CNTN4: variants seen among roughly 807,000 people sequenced by gnomAD.
CNTN4 encodes the protein contactin 4.
CNTN4 carries 77 observed loss-of-function variants against 122.5 expected under a neutral mutation model. That is an observed-to-expected ratio of 0.63 (90% CI 0.52 to 0.76). The LOEUF is 0.76. Among genes scored for constraint, CNTN4 ranks in the 30% least tolerant of loss-of-function variants. The probability of loss-of-function intolerance (pLI) is 0.00; values close to 1 mark genes in which losing one functional copy is unlikely to be tolerated. For synonymous variants in CNTN4, 512 were observed against 447.0 expected (o/e 1.15, Z -1.83); for missense variants, 1,256 against 1,259.1 (o/e 1.00, Z 0.04).
chr3:3,011,613 T>C (rs1697234964), intron 14 of CNTN4, among the ~76,000 whole-genome samples: 1 of 152,208 alleles, frequency 6.6e-6, no homozygotes, highest in South Asian at 2.1e-4. Context: ...ATAATTTCCT[T>C]ATGATACTTT....
chr3:2,671,173 C>A (rs1312945699), intron 4 of CNTN4, among the ~76,000 whole-genome samples: 4 of 152,106 alleles, frequency 2.6e-5, no homozygotes, highest in Admixed American at 2.0e-4. Context: ...TGGATAATAT[C>A]CTGCAGAGTG....
At chr3:2,199,663 A>T (rs566578002) in intron 2 of CNTN4, among the ~76,000 whole-genome samples, 1 of 152,320 alleles carries the variant, frequency 6.6e-6, no homozygotes, top group African/African-American at 2.4e-5. Context: ...CAAAATATAG[A>T]CAAGACACCG....
intron 14 of CNTN4, among the ~76,000 whole-genome samples, chr3:3,018,802 C>T (rs1426221400): frequency 6.6e-6 from 1 of 152,104 alleles, no homozygotes; most frequent in African/African-American, 2.4e-5. Context: ...AAGCCATCCT[C>T]CACTAAAAAG....
At chr3:2,533,929 T>C (rs890378905) in intron 3 of CNTN4, among the ~76,000 whole-genome samples, 8 of 151,670 alleles carry the variant, frequency 5.3e-5, no homozygotes, top group African/African-American at 1.9e-4. Context: ...TGTCTGTTCA[T>C]ATCCTTTGCC....
intron 7 of CNTN4, among the ~76,000 whole-genome samples, chr3:2,840,445 C>A (rs68138464): frequency 0.29 from 42,882 of 150,164 alleles, 7,184 homozygotes; most frequent in Non-Finnish European, 0.4. Flanking sequence ...TCACGCCTGT[C>A]ATCCCAGCAC....
chr3:2,187,685 C>T (rs560243852), intron 2 of CNTN4, among the ~76,000 whole-genome samples: 1 of 152,148 alleles, frequency 6.6e-6, no homozygotes. Flanking sequence ...TTACCGTCTG[C>T]CCTAACCTGA....
At chr3:2,279,667 T>C (rs1419393991) in intron 2 of CNTN4, among the ~76,000 whole-genome samples, 2 of 152,166 alleles carry the variant, frequency 1.3e-5, no homozygotes, top group Non-Finnish European at 2.9e-5. Flanking sequence ...GGATTGCCTG[T>C]TTTTGTAACC....
At chr3:2,225,278 G>T (rs2039235422) in intron 2 of CNTN4, among the ~76,000 whole-genome samples, 1 of 151,410 alleles carries the variant, frequency 6.6e-6, no homozygotes, top group South Asian at 2.1e-4. Flanking sequence ...ATTTTGGGAG[G>T]CCGAGGCGGG....
chr3:2,157,747 A>T (rs1051991347), intron 2 of CNTN4, among the ~76,000 whole-genome samples: 1 of 152,208 alleles, frequency 6.6e-6, no homozygotes, highest in African/African-American at 2.4e-5. Context: ...AATTCTCATC[A>T]CTAAGTTATA....
chr3:2,456,566 C>T (rs80025838), intron 3 of CNTN4, among the ~76,000 whole-genome samples: 3,369 of 152,128 alleles, frequency 0.022, 125 homozygotes, highest in African/African-American at 0.076. Flanking sequence ...ATCTGCTTTC[C>T]GTCTCTTTGG....
At chr3:2,207,380 G>T (rs1439402099) in intron 2 of CNTN4, among the ~76,000 whole-genome samples, 2 of 152,114 alleles carry the variant, frequency 1.3e-5, no homozygotes. Flanking sequence ...AAAAAGGTAG[G>T]TCTCTGGCAT....
chr3:2,193,148 T>C (rs1258118697), intron 2 of CNTN4, among the ~76,000 whole-genome samples: 2 of 152,090 alleles, frequency 1.3e-5, no homozygotes, highest in African/African-American at 4.8e-5. Context: ...CATAGTTCCA[T>C]CCCCTGAGAA....
chr3:2,915,655 A>G (rs2094345690), intron 12 of CNTN4, among the ~76,000 whole-genome samples: 1 of 152,214 alleles, frequency 6.6e-6, no homozygotes, highest in Non-Finnish European at 1.5e-5. Context: ...CAGTCAGAAA[A>G]TTAAAAATGG....
intron 3 of CNTN4, among the ~76,000 whole-genome samples, chr3:2,368,860 T>C (rs2045519335): frequency 6.6e-6 from 1 of 152,162 alleles, no homozygotes; most frequent in African/African-American, 2.4e-5. Context: ...AATTGGATGG[T>C]GAATTAAACT....
chr3:3,052,930 C>T (rs1666417120), intron 23 of CNTN4, among the ~76,000 whole-genome samples: 1 of 152,216 alleles, frequency 6.6e-6, no homozygotes, highest in South Asian at 2.1e-4. Flanking sequence ...TGTGCTCTAA[C>T]CTTTGCCATG....
chr3:2,626,635 G>A (rs1210417957), intron 4 of CNTN4, among the ~76,000 whole-genome samples: 1 of 152,118 alleles, frequency 6.6e-6, no homozygotes, highest in Non-Finnish European at 1.5e-5. Context: ...GATTGGCTTG[G>A]AAGTGGTTAT....
chr3:2,748,751 G>A (rs1040185319), intron 6 of CNTN4, among the ~76,000 whole-genome samples: 6 of 152,118 alleles, frequency 3.9e-5, no homozygotes, highest in African/African-American at 9.7e-5. Flanking sequence ...CGTCTGCATC[G>A]TCTTGAGCCT....
At chr3:2,416,841 A>C (rs2047434129) in intron 3 of CNTN4, among the ~76,000 whole-genome samples, 2 of 152,020 alleles carry the variant, frequency 1.3e-5, no homozygotes, top group Admixed American at 6.5e-5. Flanking sequence ...TTTTTAGTAG[A>C]GACGGGGTTT....
At chr3:2,160,722 G>C (rs558844336) in intron 2 of CNTN4, among the ~76,000 whole-genome samples, 2 of 152,264 alleles carry the variant, frequency 1.3e-5, no homozygotes, top group Admixed American at 1.3e-4. Flanking sequence ...GCAAGGGCTT[G>C]GCATCTGTTG....
Sources: allele counts gnomAD v4.1 joint callset (sites outside exome capture counted in the v4.1 genomes callset), GRCh38; gene constraint gnomAD v4.1.1; transcripts MANE v1.5; gene names NCBI Gene and HGNC (gene_info 2026-07-23, HGNC 2026-07-21).